The following PLCG2 variants were observed in gnomAD, a reference collection of about 807,000 sequenced individuals.
The protein encoded by PLCG2 is 1-phosphatidylinositol 4,5-bisphosphate phosphodiesterase gamma-2.
In PLCG2, 69 loss-of-function variants were observed where a neutral mutation model predicts 175.6. That is an observed-to-expected ratio of 0.39 (90% CI 0.32 to 0.48). The LOEUF (loss-of-function observed/expected upper bound fraction) is 0.48, where lower values mean the gene tolerates loss of function less well. PLCG2 is among the 20% of genes least tolerant of loss of function. The probability of loss-of-function intolerance (pLI) is 0.91; values close to 1 mark genes in which losing one functional copy is unlikely to be tolerated. For synonymous variants in PLCG2, 827 were observed against 624.0 expected (o/e 1.33, Z -4.85); for missense variants, 1,798 against 1,650.9 (o/e 1.09, Z -1.54).
intron 24 of PLCG2, among the ~76,000 whole-genome samples, chr16:81,929,438 C>G (rs1910410707): frequency 6.6e-6 from 1 of 152,208 alleles, no homozygotes; most frequent in African/African-American, 2.4e-5. Flanking sequence ...CTGTGTCACC[C>G]AGGCTGGAGT....
chr16:81,899,606 C>T (rs1244465116), intron 13 of PLCG2, among the ~76,000 whole-genome samples: 1 of 152,120 alleles, frequency 6.6e-6, no homozygotes, highest in Admixed American at 6.6e-5. Flanking sequence ...GTGTCCTCAC[C>T]ATCTGTTGAC....
At chr16:81,825,679 T>A (rs969178901) in intron 2 of PLCG2, among the ~76,000 whole-genome samples, 2 of 152,210 alleles carry the variant, frequency 1.3e-5, no homozygotes, top group Non-Finnish European at 2.9e-5. Flanking sequence ...TGGCAAAAAT[T>A]GTGACAACTT....
intron 2 of PLCG2, among the ~76,000 whole-genome samples, chr16:81,832,291 G>C (rs1905292515): frequency 6.6e-6 from 1 of 152,218 alleles, no homozygotes; most frequent in Non-Finnish European, 1.5e-5. Context: ...GCTCCACATG[G>C]CAGCCACATT....
chr16:81,777,121 A>T (rs1015650900), upstream of PLCG2, among the ~76,000 whole-genome samples: 1 of 78,180 alleles, frequency 1.3e-5, no homozygotes, highest in African/African-American at 5.8e-5. Context: ...GCATAGATTA[A>T]ACAGAGAAAC....
At chr16:81,855,850 G>T (rs1389818548) in intron 3 of PLCG2, among the ~76,000 whole-genome samples, 4 of 152,136 alleles carry the variant, frequency 2.6e-5, no homozygotes, top group Non-Finnish European at 5.9e-5. Flanking sequence ...TCGGATGTAG[G>T]AAATGAGGAG....
At chr16:81,780,793 G>T (rs369267913) in intron 1 of PLCG2, among the ~76,000 whole-genome samples, 4 of 152,292 alleles carry the variant, frequency 2.6e-5, no homozygotes, top group South Asian at 4.1e-4. Flanking sequence ...TTGGGAGGCC[G>T]AGCTGGGCTG....
intron 2 of PLCG2, among the ~76,000 whole-genome samples, chr16:81,803,721 G>C (rs560114705): frequency 7.7e-6 from 1 of 130,386 alleles, no homozygotes; most frequent in African/African-American, 2.8e-5. Context: ...TCACTGTGTC[G>C]GTCAGGCCGG....
Position 81,908,435 on chromosome 16 carries a change from T to G in PLCG2, c.1577T>G (p.Leu526Arg). The G allele has an allele frequency of 1.2e-6, 2 of 1,614,014 alleles. No homozygotes were observed. The highest frequency in any genetic ancestry group is 1.7e-6 in the Non-Finnish European group (2 of 1,179,956). Residue 526 changes from leucine (L) to arginine (R), a missense_variant, in exon 17 of 33, where the codon CTA (leucine) becomes CGA (arginine). Physicochemically the swap from Leu to Arg is moderately radical, Grantham distance 102. Coordinates refer to ENST00000564138, the MANE Select transcript of PLCG2 (RefSeq NM_002661.5). ...EVPQDIPPTE[L>R]HFGEKWFHKK... The stretch of plus-strand genomic sequence containing the variant: ...GCCCAGGATATACCCCCTACAGAAC[T>G]ACATTTTGGGGAGAAATGGTTCCAC...
rs67160306 is a variant in PLCG2 at position 81,787,393 on chromosome 16, A to ATTT, written c.193+1227_193+1229dup. Among the ~76,000 whole-genome samples the ATTT allele has an allele frequency of 1.3e-3, 125 of 94,546 alleles. 5 individuals are homozygous for ATTT. The highest frequency in any genetic ancestry group is 0.019 in the Middle Eastern group (2 of 108). 62.0% of individuals were successfully genotyped at this position (94,546 alleles called of 152,430 possible). On this transcript the variant is annotated intron_variant, in intron 2 of 32. Coordinates refer to ENST00000564138, the MANE Select transcript of PLCG2 (RefSeq NM_002661.5). ...TGCACCGCCATGCCTGGATAATTTAATTTTTTTTTTTTTTTTTTGTAGAGA... is the reference window on the plus strand; with the variant it reads ...TGCACCGCCATGCCTGGATAATTTAATTTTTTTTTTTTTTTTTTTTTGTAGAGA...
rs373954501 is a variant in PLCG2 at position 81,904,315 on chromosome 16, G to A, written c.1363-1088G>A. ...GATGATGACTCAGCCAAGGTCACAT[G>A]GCCAGTAAGGTAATAGGCCCTGAAT... On this transcript the variant is annotated intron_variant, in intron 14 of 32. Coordinates refer to ENST00000564138, the MANE Select transcript of PLCG2 (RefSeq NM_002661.5). Among the ~76,000 whole-genome samples, 37 of 152,302 alleles carry A rather than the reference G, an allele frequency of 2.4e-4. No individual in the cohort carries two copies. In the East Asian group the frequency reaches 6.6e-3, roughly 27 times the overall value.
intron 29 of PLCG2, among the ~76,000 whole-genome samples, chr16:81,939,619 C>CCGTT: frequency 6.6e-6 from 1 of 152,128 alleles, no homozygotes; most frequent in East Asian, 1.9e-4. Context: ...AACACCTCCC[C>CCGTT]CGTTCCCTTG....
chr16:81,839,178 T>C (rs1905689196), intron 2 of PLCG2, among the ~76,000 whole-genome samples: 1 of 152,202 alleles, frequency 6.6e-6, no homozygotes, highest in Non-Finnish European at 1.5e-5. Context: ...ACTCTTAACA[T>C]ACATCAGTTC....
At chr16:81,810,454 A>C (rs533301772) in intron 2 of PLCG2, among the ~76,000 whole-genome samples, 1 of 152,190 alleles carries the variant, frequency 6.6e-6, no homozygotes, top group Non-Finnish European at 1.5e-5. Flanking sequence ...GCAACCTGCA[A>C]ACCAGTAGTT....
intron 9 of PLCG2, 189 bp downstream of exon 9, chr16:81,883,530 A>T: frequency 1.7e-6 from 1 of 603,656 alleles, no homozygotes; most frequent in East Asian, 2.8e-5. Flanking sequence ...TTGCTGTCTG[A>T]TGCCACTGAA....
chr16:81,783,552 G>T (rs1473635447), intron 1 of PLCG2, among the ~76,000 whole-genome samples: 1 of 152,204 alleles, frequency 6.6e-6, no homozygotes, highest in Non-Finnish European at 1.5e-5. Flanking sequence ...TCAGGTGAGG[G>T]TTTTGATCTT....
intron 30 of PLCG2, 127 bp from the exon 31 acceptor site, chr16:81,946,048 C>T (rs1022177140): frequency 1.9e-5 from 14 of 729,176 alleles, no homozygotes; most frequent in Non-Finnish European, 3.2e-5. Flanking sequence ...AAAGTCAGCC[C>T]CCAGCATGGG....
At chr16:81,918,637 T>C (rs1041894811) in intron 19 of PLCG2, among the ~76,000 whole-genome samples, 2 of 152,246 alleles carry the variant, frequency 1.3e-5, no homozygotes, top group African/African-American at 4.8e-5. Flanking sequence ...GTTGTGCTAT[T>C]TTTATTACTA....
intron 5 of PLCG2, among the ~76,000 whole-genome samples, chr16:81,866,735 A>G (rs374233444): frequency 0.01 from 847 of 80,910 alleles, 1 homozygote; most frequent in Middle Eastern, 0.024. Flanking sequence ...ATGAGAGGAC[A>G]CTGGCCTCTC....
intron 21 of PLCG2, among the ~76,000 whole-genome samples, chr16:81,923,095 G>C (rs556285894): frequency 3.9e-4 from 59 of 152,152 alleles, no homozygotes; most frequent in Non-Finnish European, 1.3e-4. Flanking sequence ...GACAGTCTTG[G>C]CTTAATCTAA....
Sources: allele counts gnomAD v4.1 joint callset (sites outside exome capture counted in the v4.1 genomes callset), GRCh38; gene constraint gnomAD v4.1.1; transcripts MANE v1.5; gene names NCBI Gene and HGNC (gene_info 2026-07-23, HGNC 2026-07-21).